RORA: variants seen among roughly 807,000 people sequenced by gnomAD.
The protein encoded by RORA is nuclear receptor ROR-alpha.
In RORA, 7 loss-of-function variants were observed where a neutral mutation model predicts 69.5. The observed-to-expected ratio is 0.10, with a 90% CI of 0.06 to 0.19. RORA has a LOEUF of 0.19. RORA is among the 10% of genes least tolerant of loss of function. The pLI, the probability that RORA is intolerant of heterozygous loss-of-function variation, is 1.00. For synonymous variants in RORA, 261 were observed against 240.8 expected (o/e 1.08, Z -0.78); for missense variants, 457 against 663.0 (o/e 0.69, Z 3.41).
intron 1 of RORA, among the ~76,000 whole-genome samples, chr15:60,834,646 C>T (rs1234681863): frequency 1.3e-5 from 2 of 152,204 alleles, no homozygotes; most frequent in East Asian, 1.9e-4. Context: ...GGATAAAAAG[C>T]ATCACAAAGC....
At chr15:60,826,766 C>CT (rs2072966558) in intron 1 of RORA, among the ~76,000 whole-genome samples, 11 of 126,074 alleles carry the variant, frequency 8.7e-5, no homozygotes, top group African/African-American at 2.2e-4. Context: ...TCTCTCTCTC[C>CT]CTCTCTCTCT....
In RORA at chr15:61,218,965, G is replaced by T. The variant is rs148843841; in HGVS notation, c.166+10088C>A. 3.4e-3 allele frequency among the ~76,000 whole-genome samples: 511 copies of T among 152,218 alleles called. 3 individuals carry two copies. The highest frequency in any genetic ancestry group is 0.012 in the African/African-American group (494 of 41,518). On this transcript the variant is annotated intron_variant, in intron 1 of 10. Transcript: ENST00000335670. ...ACACATCTTTGCTGTGGGCCTCCTG[G>T]CTGTGTCTAGCTCTGGTGAGCACTA...
chr15:60,562,154 C>T (rs1409094237), intron 2 of RORA, among the ~76,000 whole-genome samples: 1 of 152,094 alleles, frequency 6.6e-6, no homozygotes, highest in African/African-American at 2.4e-5. Flanking sequence ...AGGCTGGTCT[C>T]GAACTCCCGA....
chr15:60,929,014 T>G (rs963743175), intron 1 of RORA, among the ~76,000 whole-genome samples: 6 of 152,118 alleles, frequency 3.9e-5, no homozygotes, highest in African/African-American at 1.4e-4. Flanking sequence ...GCAGACACAC[T>G]TGTGTGCCCC....
intron 1 of RORA, among the ~76,000 whole-genome samples, chr15:60,903,361 G>T (rs961971993): frequency 6.6e-6 from 1 of 152,152 alleles, no homozygotes; most frequent in Admixed American, 6.5e-5. Flanking sequence ...AGACCAGCAG[G>T]ATCTGTTGTT....
intron 1 of RORA, among the ~76,000 whole-genome samples, chr15:60,924,344 C>T (rs997694341): frequency 6.8e-6 from 1 of 146,782 alleles, no homozygotes; most frequent in Non-Finnish European, 1.5e-5. Flanking sequence ...AAGAAATGTT[C>T]TTATTGTATC....
chr15:60,946,323 A>C (rs2140328513), intron 1 of RORA, among the ~76,000 whole-genome samples: 1 of 152,120 alleles, frequency 6.6e-6, no homozygotes, highest in East Asian at 1.9e-4. Flanking sequence ...GACGAGCCGA[A>C]GCGGGACTGT....
At chr15:60,609,431 G>T (rs1018379461) in intron 2 of RORA, among the ~76,000 whole-genome samples, 1 of 152,110 alleles carries the variant, frequency 6.6e-6, no homozygotes, top group Non-Finnish European at 1.5e-5. Flanking sequence ...AAAGTCTCAG[G>T]TATAGGGAAT....
At chr15:60,614,571 G>A (rs1377027995) in intron 2 of RORA, among the ~76,000 whole-genome samples, 1 of 152,096 alleles carries the variant, frequency 6.6e-6, no homozygotes, top group Admixed American at 6.5e-5. Context: ...TGCAGTTCAC[G>A]GACAATCTGG....
At chr15:61,198,997 C>G (rs2079871705) in intron 1 of RORA, among the ~76,000 whole-genome samples, 1 of 152,172 alleles carries the variant, frequency 6.6e-6, no homozygotes, top group African/African-American at 2.4e-5. Flanking sequence ...ACCTGCTAGC[C>G]CATCTCTCCT....
At chr15:61,064,097 C>T (rs988560691) in intron 1 of RORA, among the ~76,000 whole-genome samples, 2 of 152,174 alleles carry the variant, frequency 1.3e-5, no homozygotes, top group Non-Finnish European at 2.9e-5. Context: ...AAAGTCAACA[C>T]AGTACATTTT....
chr15:60,781,603 C>G (rs17270446), intron 1 of RORA, among the ~76,000 whole-genome samples: 42,782 of 151,172 alleles, frequency 0.28, 7,233 homozygotes, highest in Admixed American at 0.42. Flanking sequence ...TGCCACAGTT[C>G]AGTGAGCCGA....
chr15:61,166,260 A>G (rs1052626431), intron 1 of RORA, among the ~76,000 whole-genome samples: 3 of 152,174 alleles, frequency 2.0e-5, no homozygotes, highest in African/African-American at 7.2e-5. Context: ...TTCACGATCT[A>G]TTAAACTGAC....
intron 2 of RORA, among the ~76,000 whole-genome samples, chr15:60,554,810 A>G (rs1442401865): frequency 6.6e-6 from 1 of 152,116 alleles, no homozygotes; most frequent in Non-Finnish European, 1.5e-5. Context: ...CATTCACCCA[A>G]AGAGAAGAGA....
At chr15:60,866,642 G>A (rs2073490405) in intron 1 of RORA, among the ~76,000 whole-genome samples, 1 of 152,062 alleles carries the variant, frequency 6.6e-6, no homozygotes, top group Non-Finnish European at 1.5e-5. Context: ...GTTTAAATTA[G>A]TCACCAGTGG....
intron 1 of RORA, among the ~76,000 whole-genome samples, chr15:61,155,623 G>A (rs756899804): frequency 7.2e-5 from 11 of 152,180 alleles, no homozygotes; most frequent in African/African-American, 1.2e-4. Flanking sequence ...AACAGAGACC[G>A]ATCAATGGGA....
intron 1 of RORA, among the ~76,000 whole-genome samples, chr15:61,218,220 A>T (rs1407876445): frequency 1.3e-5 from 2 of 148,826 alleles, no homozygotes; most frequent in African/African-American, 2.5e-5. Flanking sequence ...CTAGTTCACA[A>T]TGTAATTAAT....
intron 1 of RORA, among the ~76,000 whole-genome samples, chr15:61,020,092 A>T (rs1167403167): frequency 6.6e-6 from 1 of 152,234 alleles, no homozygotes; most frequent in East Asian, 1.9e-4. Flanking sequence ...TAGAGTATCA[A>T]TGAAACCAGC....
chr15:60,843,895 T>G (rs1162925903), intron 1 of RORA, among the ~76,000 whole-genome samples: 1 of 152,232 alleles, frequency 6.6e-6, no homozygotes, highest in Non-Finnish European at 1.5e-5. Context: ...CACTAAGTCC[T>G]TCCTCAGCTG....
Sources: gnomAD v4.1 joint callset for allele counts (sites outside exome capture counted in the v4.1 genomes callset) on GRCh38, gnomAD v4.1.1 for gene constraint, MANE v1.5 for transcripts, NCBI Gene and HGNC (gene_info 2026-07-23, HGNC 2026-07-21) for gene names.